EBF2: variants seen among roughly 807,000 people sequenced by gnomAD.
EBF2 encodes the protein transcription factor COE2.
EBF2 carries 21 observed loss-of-function variants against 72.8 expected under a neutral mutation model. That is an observed-to-expected ratio of 0.29 (90% confidence interval 0.20 to 0.42). The LOEUF (loss-of-function observed/expected upper bound fraction) is 0.42, where lower values mean the gene tolerates loss of function less well. Ranked by LOEUF, EBF2 falls within the 10% of genes least tolerant of loss-of-function variation. The probability of loss-of-function intolerance (pLI) is 1.00; values close to 1 mark genes in which losing one functional copy is unlikely to be tolerated. For synonymous variants in EBF2, 299 were observed against 274.2 expected (o/e 1.09, Z -0.89); for missense variants, 637 against 731.2 (o/e 0.87, Z 1.49).
chr8:26,017,146 C>T (rs1426867957), intron 6 of EBF2, among the ~76,000 whole-genome samples: 3 of 143,400 alleles, frequency 2.1e-5, no homozygotes, highest in Non-Finnish European at 4.6e-5. Context: ...CCATGCAGTC[C>T]CCTTATTTAA....
intron 6 of EBF2, among the ~76,000 whole-genome samples, chr8:26,017,789 G>A (rs1378674144): frequency 1.3e-5 from 2 of 152,192 alleles, no homozygotes; most frequent in Admixed American, 1.3e-4. Context: ...TAACAGGGGT[G>A]TAAACGCCAG....
At chr8:26,009,818 T>C (rs1804947308) in intron 6 of EBF2, among the ~76,000 whole-genome samples, 1 of 152,220 alleles carries the variant, frequency 6.6e-6, no homozygotes, top group South Asian at 2.1e-4. Flanking sequence ...TGGCTTCATT[T>C]CATGAATCTC....
intron 10 of EBF2, among the ~76,000 whole-genome samples, chr8:25,882,394 C>T (rs567193331): frequency 3.9e-5 from 6 of 152,174 alleles, no homozygotes; most frequent in African/African-American, 1.4e-4. Context: ...TCTATCCACT[C>T]TCTATCCCAG....
intron 15 of EBF2, among the ~76,000 whole-genome samples, chr8:25,847,416 CCTCT>C (rs1008984896): frequency 2.0e-5 from 3 of 152,206 alleles, no homozygotes; most frequent in South Asian, 2.1e-4. Context: ...AGCTTGGTTT[CCTCT>C]CTCTCTGTAC....
intron 6 of EBF2, among the ~76,000 whole-genome samples, chr8:25,940,591 C>T (rs760321478): frequency 6.7e-6 from 1 of 148,918 alleles, no homozygotes; most frequent in Non-Finnish European, 1.5e-5. Flanking sequence ...CTTCCATCTT[C>T]ATTTTACCAA....
intron 6 of EBF2, among the ~76,000 whole-genome samples, chr8:25,949,950 T>C (rs1036692505): frequency 1.3e-5 from 2 of 152,214 alleles, no homozygotes; most frequent in African/African-American, 4.8e-5. Flanking sequence ...TCTAGCAATA[T>C]TAACCTCATC....
intron 6 of EBF2, among the ~76,000 whole-genome samples, chr8:25,931,092 C>T (rs1803472419): frequency 6.6e-6 from 1 of 152,170 alleles, no homozygotes; most frequent in Non-Finnish European, 1.5e-5. Context: ...TTCCCTGCCT[C>T]AGCCCATTTT....
intron 7 of EBF2, among the ~76,000 whole-genome samples, chr8:25,896,949 C>T (rs1802871627): frequency 6.6e-6 from 1 of 152,136 alleles, no homozygotes. Flanking sequence ...TTATGGGACT[C>T]CAGAGTCTCC....
At chr8:26,006,676 C>G (rs1804887516) in intron 6 of EBF2, among the ~76,000 whole-genome samples, 1 of 152,194 alleles carries the variant, frequency 6.6e-6, no homozygotes, top group Non-Finnish European at 1.5e-5. Context: ...AAGCAAAAAT[C>G]AGAAGCCCAC....
chr8:25,944,139 G>A (rs775944053), intron 6 of EBF2, among the ~76,000 whole-genome samples: 90 of 152,254 alleles, frequency 5.9e-4, no homozygotes, highest in Non-Finnish European at 2.1e-4. Flanking sequence ...GGTACTCTAC[G>A]GAGATAAGAG....
At chr8:26,010,854 A>G (rs1804970015) in intron 6 of EBF2, among the ~76,000 whole-genome samples, 1 of 152,190 alleles carries the variant, frequency 6.6e-6, no homozygotes, top group South Asian at 2.1e-4. Context: ...CGTTCCATGA[A>G]TGGATACTTG....
chr8:25,865,816 G>C (rs533554094), intron 10 of EBF2, among the ~76,000 whole-genome samples: 1 of 151,644 alleles, frequency 6.6e-6, no homozygotes, highest in African/African-American at 2.4e-5. Flanking sequence ...ATGAGGTCAG[G>C]AGATCGAGAC....
chr8:26,030,988 G>A (rs556809464), intron 6 of EBF2, among the ~76,000 whole-genome samples: 1 of 152,326 alleles, frequency 6.6e-6, no homozygotes, highest in African/African-American at 2.4e-5. Context: ...CTTTATCGGT[G>A]AATGCAGTGA....
At chr8:25,869,943 C>T (rs1802403912) in intron 10 of EBF2, among the ~76,000 whole-genome samples, 1 of 152,204 alleles carries the variant, frequency 6.6e-6, no homozygotes, top group African/African-American at 2.4e-5. Context: ...GCTTCTCTAA[C>T]TCCAAAGCCT....
In EBF2 at chr8:25,858,316, T is replaced by C; in HGVS notation, c.1528+3A>G. The C allele has an allele frequency of 6.2e-7, 1 of 1,614,114 alleles. No homozygotes were observed. The highest frequency in any genetic ancestry group is 8.5e-7 in the Non-Finnish European group (1 of 1,179,984). Reference sequence around the variant, plus strand: ...AGAGCCAAGTGATGGAGAGGTCACTTACTTCCATAAGGAGAGCCGGTGGGT... The same window carrying C: ...AGAGCCAAGTGATGGAGAGGTCACTCACTTCCATAAGGAGAGCCGGTGGGT... On this transcript the variant is annotated splice_donor_region_variant and intron_variant, in intron 14 of 15. Coordinates refer to ENST00000520164, the MANE Select transcript of EBF2 (RefSeq NM_022659.4).
intron 1 of EBF2, among the ~76,000 whole-genome samples, chr8:26,043,022 C>T (rs1361200989): frequency 6.6e-6 from 1 of 152,212 alleles, no homozygotes; most frequent in African/African-American, 2.4e-5. Context: ...TGTTAAAAGG[C>T]GAGAACCTCC....
At position 25,877,239 on chromosome 8, in the gene EBF2, G is replaced by A. The variant is rs146117296; in HGVS notation, c.1009+9516C>T. Among the ~76,000 whole-genome samples, 16 of 152,294 alleles carry A rather than the reference G, an allele frequency of 1.1e-4. No homozygotes were observed. The East Asian group carries it at 3.1e-3, about 29-fold the overall frequency. The stretch of plus-strand genomic sequence containing the variant: ...AAGTCCCTGAACAACCAGTCACTGT[G>A]GTTCTGTTGGGTGCCCCTACTAGGA... On this transcript the variant is annotated intron_variant, in intron 10 of 15. Coordinates refer to ENST00000520164, the MANE Select transcript of EBF2 (RefSeq NM_022659.4).
At chr8:26,036,005 C>G (rs1259950819) in intron 5 of EBF2, among the ~76,000 whole-genome samples, 2 of 152,060 alleles carry the variant, frequency 1.3e-5, no homozygotes, top group Admixed American at 1.3e-4. Context: ...CCCATACATG[C>G]CAGCTACCTA....
At chr8:25,974,877 G>A (rs1283925627) in intron 6 of EBF2, among the ~76,000 whole-genome samples, 3 of 152,092 alleles carry the variant, frequency 2.0e-5, no homozygotes, top group Non-Finnish European at 2.9e-5. Context: ...CATCAGGGTC[G>A]AAGCACCAGT....
Sources: allele counts gnomAD v4.1 joint callset (sites outside exome capture counted in the v4.1 genomes callset), GRCh38; gene constraint gnomAD v4.1.1; transcripts MANE v1.5; gene names NCBI Gene and HGNC (gene_info 2026-07-23, HGNC 2026-07-21).